ERRFI1: variants seen among roughly 807,000 people sequenced by gnomAD.
ERRFI1 encodes the protein mitogen-inducible gene 6 protein.
Under a neutral mutation model 14.6 loss-of-function variants are expected in ERRFI1, and 12 were observed. That is an observed-to-expected ratio of 0.82 (90% confidence interval 0.53 to 1.33). The LOEUF (loss-of-function observed/expected upper bound fraction) is 1.33. Ranked by LOEUF, ERRFI1 falls within the 40% of genes most tolerant of loss-of-function variation. The pLI, the probability that ERRFI1 is intolerant of heterozygous loss-of-function variation, is 0.00. For synonymous variants in ERRFI1, 202 were observed against 209.9 expected, an observed-to-expected ratio of 0.96 and a Z score of 0.32; for missense variants, 482 against 572.1, an observed-to-expected ratio of 0.84 and a Z score of 1.61.
chr1:8,023,066 G>A (rs1398599755), intron 1 of ERRFI1, among the ~76,000 whole-genome samples: 1 of 152,150 alleles, frequency 6.6e-6, no homozygotes, highest in Non-Finnish European at 1.5e-5. Context: ...CTTTTAAATG[G>A]AAATCTAAAG....
chr1:8,013,714 C>T lies in ERRFI1; in HGVS notation c.885G>A (p.Lys295=), dbSNP rs749208646. 1.5e-5 allele frequency: 24 copies of T among 1,614,026 alleles called. No individual in the cohort carries two copies. The highest frequency in any genetic ancestry group is 3.3e-5 in the South Asian group (3 of 91,082). Residue 295 remains lysine (K), a synonymous_variant, in exon 4 of 4, where the codon AAG becomes AAA. Transcript: ENST00000377482. This position sits in a 1 kb window ranked among gnomAD's most constrained non-coding sequence, Gnocchi z 4.3. ...CTGCTGACCATCTTCTATAATCTGG[C>T]TTTACTGGTCTAGGAGGTATGGGAA... The part of the protein sequence containing the change: ...PRVPIPPRPV[K]PDYRRWSAEV...
chr1:8,013,243 C>T lies in ERRFI1; in HGVS notation c.1356G>A (p.Lys452=), dbSNP rs775455507. 1.1e-4 allele frequency: 171 copies of T among 1,613,554 alleles called. No homozygotes were observed. The highest frequency in any genetic ancestry group is 1.4e-4 in the Non-Finnish European group (168 of 1,179,904). The change falls in exon 4 of 4, where the codon AAG becomes AAA. Residue 452 remains lysine, a synonymous_variant. Transcript: ENST00000377482. This position sits in a 1 kb window ranked among gnomAD's most constrained non-coding sequence, Gnocchi z 4.3. The part of the protein sequence containing the change: ...KTKMDLGGHV[K]RKHLSYVVSP ...AAACCACATAGGATAAATGTTTACGCTTCACGTGGCCACCCAGATCCATTT... is the reference window on the plus strand; with the variant it reads ...AAACCACATAGGATAAATGTTTACGTTTCACGTGGCCACCCAGATCCATTT...
rs775554188 is a variant in ERRFI1, at chr1:8,013,601, G to A, written c.998C>T (p.Pro333Leu). Residue 333 changes from proline to leucine, a missense_variant, in exon 4 of 4, where the codon CCG becomes CTG. Coordinates refer to ENST00000377482, the MANE Select transcript of ERRFI1 (RefSeq NM_018948.4). The surrounding 1 kb of genome is among the most constrained non-coding windows in gnomAD (Gnocchi z 4.3). ...GTAAGACGGAAGGCTTTTGGGACTC[G>A]GTGTGCGCGAGTTACTCGGTGACAA... The part of the protein sequence containing the change: ...EPLSPSNSRT[P>L]SPKSLPSYLN... 1.1e-5 allele frequency: 18 copies of A among 1,614,020 alleles called. No homozygotes were observed. The highest frequency in any genetic ancestry group is 2.7e-5 in the African/African-American group (2 of 74,900).
rs866652873 is a variant in ERRFI1, at chr1:8,014,774, G to T, written c.203-378C>A. On this transcript the variant is annotated intron_variant, in intron 3 of 3. Transcript: ENST00000377482. ...GACATGCGACCATACTAGGCACGTAGGGTACCAATGAGATAAGACAAAGTC... is the reference window on the plus strand; with the variant it reads ...GACATGCGACCATACTAGGCACGTATGGTACCAATGAGATAAGACAAAGTC... 5.2e-4 allele frequency: 120 copies of T among 228,952 alleles called. 1 individual carries two copies. The highest frequency in any genetic ancestry group is 3.3e-3 in the Middle Eastern group (2 of 604). 14.2% of individuals were successfully genotyped at this position (228,952 alleles called of 1,614,324 possible). A position where few individuals can be genotyped will look rare whatever the true frequency, so the allele number is the denominator to read the frequency against.
At chr1:8,021,486 C>T (rs541157577) in intron 1 of ERRFI1, among the ~76,000 whole-genome samples, 4 of 152,250 alleles carry the variant, frequency 2.6e-5, no homozygotes, top group African/African-American at 9.6e-5. Flanking sequence ...TTCTTTTTGA[C>T]ATATAACAAT....
Position 8,021,896 on chromosome 1 carries a change from ACTGCCTCTT to A in ERRFI1, c.-74+4253_-74+4261del, listed in dbSNP as rs1641278293. 2.0e-5 allele frequency among the ~76,000 whole-genome samples: 3 copies of A among 152,296 alleles called. No individual in the cohort carries two copies. In the South Asian group the frequency reaches 6.2e-4, roughly 32 times the overall value. ...TCCAGGCCCTTCACCAACACACCAC[ACTGCCTCTT>A]CCTGTCCCTACGGCTTTTTAAACTG... is the stretch of plus-strand genomic sequence containing the variant. On this transcript the variant is annotated intron_variant, in intron 1 of 3. Transcript: ENST00000377482.
intron 1 of ERRFI1, among the ~76,000 whole-genome samples, chr1:8,016,857 A>C (rs1028115447): frequency 6.6e-6 from 1 of 151,914 alleles, no homozygotes; most frequent in Non-Finnish European, 1.5e-5. Flanking sequence ...AAGGCTGGGC[A>C]CTGTGCAAAT....
At chr1:8,024,079 C>T (rs1641311775) in intron 1 of ERRFI1, among the ~76,000 whole-genome samples, 1 of 152,188 alleles carries the variant, frequency 6.6e-6, no homozygotes, top group African/African-American at 2.4e-5. Flanking sequence ...TTCCTCTGCT[C>T]CTTTCTAAAG....
chr1:8,022,617 A>G (rs1041772635), intron 1 of ERRFI1, among the ~76,000 whole-genome samples: 4 of 152,170 alleles, frequency 2.6e-5, no homozygotes, highest in African/African-American at 9.7e-5. Context: ...TCTCCACTCT[A>G]TAGTATCTTC....
chr1:8,017,806 G>A (rs1182534018), intron 1 of ERRFI1, among the ~76,000 whole-genome samples: 2 of 152,188 alleles, frequency 1.3e-5, no homozygotes, highest in Admixed American at 1.3e-4. Context: ...AGTAATTACT[G>A]TGTGTCAGCC....
At chr1:8,014,631 A>C in intron 3 of ERRFI1, 1 of 526,458 alleles carries the variant, frequency 1.9e-6, no homozygotes, top group Non-Finnish European at 3.3e-6. Flanking sequence ...TCCCTTGGAC[A>C]TGTGCACAGC....
chr1:8,013,297 T>C lies in ERRFI1; in HGVS notation c.1302A>G (p.Ser434=). 6.2e-7 allele frequency: 1 copy of C among 1,614,240 alleles called. No individual in the cohort carries two copies. Among genetic ancestry groups the C allele is most frequent in the Non-Finnish European group, 8.5e-7 (1 of 1,180,048 alleles). ...TTTTTGAGTCTGGCTTTTCTGTGGCTGAAGATATACCGCAGTCAGCAGGTA... is the reference window on the plus strand; with the variant it reads ...TTTTTGAGTCTGGCTTTTCTGTGGCCGAAGATATACCGCAGTCAGCAGGTA... ...QPLPADCGIS[S]ATEKPDSKTK... is the part of the protein sequence containing the mutation. The change falls in exon 4 of 4, where the codon TCA becomes TCG. Residue 434 remains serine, a synonymous_variant. Coordinates refer to ENST00000377482, the MANE Select transcript of ERRFI1 (RefSeq NM_018948.4). The surrounding 1 kb of genome is among the most constrained non-coding windows in gnomAD (Gnocchi z 4.3).
At position 8,012,936 on chromosome 1, in the gene ERRFI1, T is replaced by C; in HGVS notation, c.*274A>G. On this transcript the variant is annotated 3_prime_UTR_variant, in exon 4 of 4. Transcript: ENST00000377482. ...TACCACAAGTTTATATATAGGTATG[T>C]AATGTATGCATATATAAAAAGCTTC... The C allele has an allele frequency of 2.3e-6, 1 of 440,882 alleles. No homozygotes were observed. Among genetic ancestry groups the C allele is most frequent in the Non-Finnish European group, 4.0e-6 (1 of 248,548 alleles). The allele number at this position is 440,882 out of a possible 1,614,324, so 27.3% of individuals were successfully genotyped here. A position where few individuals can be genotyped will look rare whatever the true frequency, so the allele number is the denominator to read the frequency against.
Position 8,013,860 on chromosome 1 carries a change from T to G in ERRFI1, c.739A>C (p.Arg247=). ...PPPPQTHRRL[R]RSHSGPAGSF... is the part of the protein sequence containing the mutation. ...CCAGCTGGTCCCGAATGAGACCTTC[T>G]TAATCTTCGGTGGGTCTGAGGTGGA... Residue 247 remains arginine (R), a synonymous_variant, in exon 4 of 4, where the codon AGA becomes CGA. Transcript: ENST00000377482. This position sits in a 1 kb window ranked among gnomAD's most constrained non-coding sequence, Gnocchi z 4.3. The G allele has an allele frequency of 6.2e-7, 1 of 1,614,172 alleles. No individual in the cohort carries two copies. The highest frequency in any genetic ancestry group is 8.5e-7 in the Non-Finnish European group (1 of 1,180,010).
chr1:8,024,907 A>G (rs1379623168), intron 1 of ERRFI1, among the ~76,000 whole-genome samples: 1 of 151,896 alleles, frequency 6.6e-6, no homozygotes, highest in Non-Finnish European at 1.5e-5. Flanking sequence ...TTGTAATTAC[A>G]GAAATATAAG....
chr1:8,025,416 C>T (rs568775358), intron 1 of ERRFI1, among the ~76,000 whole-genome samples: 65 of 152,332 alleles, frequency 4.3e-4, no homozygotes, highest in Non-Finnish European at 6.2e-4. Context: ...GTACTTAAGA[C>T]ACTCAGAGCA....
chr1:8,012,760 G>A lies in ERRFI1; in HGVS notation c.*450C>T. ...TTACTAAACAAAAATATTTTTTAATGATTCTGATCTAAACAATACTGTATC... is the reference window on the plus strand; with the variant it reads ...TTACTAAACAAAAATATTTTTTAATAATTCTGATCTAAACAATACTGTATC... On this transcript the variant is annotated 3_prime_UTR_variant, in exon 4 of 4. Coordinates refer to ENST00000377482, the MANE Select transcript of ERRFI1 (RefSeq NM_018948.4). 4.3e-6 allele frequency: 1 copy of A among 231,428 alleles called. No individual in the cohort carries two copies. 14.3% of individuals were successfully genotyped at this position (231,428 alleles called of 1,614,324 possible). A position where few individuals can be genotyped will look rare whatever the true frequency, so the allele number is the denominator to read the frequency against.
In ERRFI1 at chr1:8,015,664, C is replaced by T; in HGVS notation, c.-45G>A. 6.2e-7 allele frequency: 1 copy of T among 1,611,884 alleles called. No individual in the cohort carries two copies. Among genetic ancestry groups the T allele is most frequent in the Non-Finnish European group, 8.5e-7 (1 of 1,178,766 alleles). On this transcript the variant is annotated 5_prime_UTR_variant, in exon 2 of 4. In the 5' UTR this introduces an upstream ATG that the reference lacks. Coordinates refer to ENST00000377482, the MANE Select transcript of ERRFI1 (RefSeq NM_018948.4). ...TCTCCAAACCTGTGAGGCCCAGGCA[C>T]TTTAAAATCAACCAGTAGCTTTCAT...
At chr1:8,023,256 T>G (rs552142824) in intron 1 of ERRFI1, among the ~76,000 whole-genome samples, 64 of 152,290 alleles carry the variant, frequency 4.2e-4, no homozygotes, top group Admixed American at 9.8e-4. Context: ...GCTCCATTTC[T>G]GTAGCCAAAG....
Sources: gnomAD v4.1 joint callset for allele counts (sites outside exome capture counted in the v4.1 genomes callset) on GRCh38, gnomAD v4.1.1 for gene constraint, Gnocchi (gnomAD v3.1) non-coding constraint, MANE v1.5 for transcripts, NCBI Gene and HGNC (gene_info 2026-07-23, HGNC 2026-07-21) for gene names.